ADCK1: variants seen among roughly 807,000 people sequenced by gnomAD.
The protein encoded by ADCK1 is aarF domain-containing protein kinase 1.
ADCK1 carries 41 observed loss-of-function variants against 52.3 expected under a neutral mutation model. The ratio of observed to expected loss-of-function variants is 0.78; its 90% CI spans 0.61 to 1.02. The LOEUF (loss-of-function observed/expected upper bound fraction) is 1.02, where lower values mean the gene tolerates loss of function less well. Among genes scored for constraint, ADCK1 ranks in the 50% least tolerant of loss-of-function variants. ADCK1 has a pLI of 0.00. For missense variants in ADCK1, 658 were observed against 679.5 expected (o/e 0.97, Z 0.35); for synonymous variants, 250 against 274.6 (o/e 0.91, Z 0.89).
chr14:77,853,168 C>T (rs1023754246), intron 3 of ADCK1, among the ~76,000 whole-genome samples: 2 of 151,588 alleles, frequency 1.3e-5, no homozygotes, highest in African/African-American at 4.8e-5. Flanking sequence ...CTTTCTGTCT[C>T]TTTTATGTCA....
At chr14:77,845,079 T>A (rs2082149461) in intron 3 of ADCK1, among the ~76,000 whole-genome samples, 1 of 152,244 alleles carries the variant, frequency 6.6e-6, no homozygotes, top group East Asian at 1.9e-4. Flanking sequence ...TGTTCAGGAT[T>A]GCATAAGTAG....
chr14:77,829,496 T>C (rs186663029), intron 3 of ADCK1, among the ~76,000 whole-genome samples: 1 of 151,214 alleles, frequency 6.6e-6, no homozygotes, highest in East Asian at 2.0e-4. Context: ...AGAGTCTCAC[T>C]ATGTTGCCCA....
chr14:77,876,030 G>A (rs373011377), intron 4 of ADCK1, among the ~76,000 whole-genome samples: 2 of 152,146 alleles, frequency 1.3e-5, no homozygotes, highest in East Asian at 1.9e-4. Context: ...TGTAATCATC[G>A]GTTTGTAAAA....
At chr14:77,895,990 G>A (rs916895859) in intron 5 of ADCK1, among the ~76,000 whole-genome samples, 2 of 152,064 alleles carry the variant, frequency 1.3e-5, no homozygotes, top group Admixed American at 6.6e-5. Context: ...CAACCCACAG[G>A]ATGCCTTAGA....
At chr14:77,905,518 G>A (rs181122726) in intron 6 of ADCK1, among the ~76,000 whole-genome samples, 1 of 151,914 alleles carries the variant, frequency 6.6e-6, no homozygotes, top group Non-Finnish European at 1.5e-5. Context: ...TTTTTAAGCT[G>A]CCTCTGGTGG....
intron 3 of ADCK1, among the ~76,000 whole-genome samples, chr14:77,848,800 G>C (rs1185604360): frequency 1.3e-5 from 2 of 151,158 alleles, no homozygotes; most frequent in Non-Finnish European, 2.9e-5. Flanking sequence ...GTCTTACTCT[G>C]TTGCCCAGGC....
intron 4 of ADCK1, among the ~76,000 whole-genome samples, chr14:77,860,087 C>T (rs945861624): frequency 7.2e-5 from 11 of 152,184 alleles, no homozygotes; most frequent in Admixed American, 6.5e-4. Context: ...CTGGGTTTCC[C>T]GTCCAAACCC....
At chr14:77,896,703 G>A (rs536437008) in intron 5 of ADCK1, among the ~76,000 whole-genome samples, 8 of 152,346 alleles carry the variant, frequency 5.3e-5, no homozygotes, top group African/African-American at 1.7e-4. Flanking sequence ...GAGGCATACA[G>A]TCCAGGCCTC....
At chr14:77,905,268 G>A (rs1376071958) in intron 6 of ADCK1, among the ~76,000 whole-genome samples, 1 of 145,924 alleles carries the variant, frequency 6.9e-6, no homozygotes, top group African/African-American at 2.6e-5. Context: ...CCAGCCTGTG[G>A]GATTTCTGTT....
intron 5 of ADCK1, among the ~76,000 whole-genome samples, chr14:77,892,105 C>G (rs911233955): frequency 2.0e-5 from 3 of 152,170 alleles, no homozygotes; most frequent in African/African-American, 7.2e-5. Flanking sequence ...ATGCTTCTCT[C>G]CCACTGTTGT....
At chr14:77,820,238 A>G (rs774880681) in intron 2 of ADCK1, among the ~76,000 whole-genome samples, 66 of 152,218 alleles carry the variant, frequency 4.3e-4, no homozygotes, top group Middle Eastern at 6.8e-3. Context: ...ATGTTCAGAC[A>G]CTAGAGTGAG....
At chr14:77,812,800 G>A (rs1162801391) in intron 1 of ADCK1, among the ~76,000 whole-genome samples, 1 of 151,868 alleles carries the variant, frequency 6.6e-6, no homozygotes, top group East Asian at 1.9e-4. Context: ...ATGTTGGCCA[G>A]GCTAGTCTCG....
At position 77,870,868 on chromosome 14, in the gene ADCK1, G is replaced by A. The variant is rs575593749; in HGVS notation, c.423+11589G>A. On this transcript the variant is annotated intron_variant, in intron 4 of 10. Coordinates refer to ENST00000238561, the MANE Select transcript of ADCK1 (RefSeq NM_020421.4). ...TCTTCTCCAGGGAGAAGGGGAACAG[G>A]TCTCCCCTGCAGGCCACTCAGGGCT... Among the ~76,000 whole-genome samples the A allele has an allele frequency of 3.3e-5, 5 of 152,278 alleles. No individual in the cohort carries two copies. In the South Asian group the frequency reaches 8.3e-4, roughly 25 times the overall value.
At chr14:77,874,304 G>A (rs532774091) in intron 4 of ADCK1, among the ~76,000 whole-genome samples, 1 of 152,356 alleles carries the variant, frequency 6.6e-6, no homozygotes, top group South Asian at 2.1e-4. Flanking sequence ...AAGAGAGAAA[G>A]TTATCTGAGG....
chr14:77,816,109 G>C (rs1269040283), intron 1 of ADCK1, among the ~76,000 whole-genome samples: 1 of 152,062 alleles, frequency 6.6e-6, no homozygotes, highest in Non-Finnish European at 1.5e-5. Context: ...TCTTGGCCCA[G>C]GAATCTGCAT....
intron 3 of ADCK1, among the ~76,000 whole-genome samples, chr14:77,843,407 A>G (rs1181331367): frequency 6.6e-6 from 1 of 152,180 alleles, no homozygotes; most frequent in East Asian, 1.9e-4. Context: ...TAGCCGCTGA[A>G]CAACTGTTGA....
At chr14:77,823,732 T>C (rs988116147) in intron 3 of ADCK1, among the ~76,000 whole-genome samples, 7 of 150,804 alleles carry the variant, frequency 4.6e-5, no homozygotes, top group African/African-American at 1.5e-4. Flanking sequence ...ACCATCACAC[T>C]TGGCTGATTT....
intron 4 of ADCK1, among the ~76,000 whole-genome samples, chr14:77,861,484 G>A (rs1467308042): frequency 6.6e-6 from 1 of 152,032 alleles, no homozygotes; most frequent in African/African-American, 2.4e-5. Context: ...GACACTTCTC[G>A]GGGAGCAGTC....
chr14:77,911,324 C>T (rs2083786549), intron 7 of ADCK1, among the ~76,000 whole-genome samples: 1 of 152,162 alleles, frequency 6.6e-6, no homozygotes, highest in Non-Finnish European at 1.5e-5. Flanking sequence ...TAGGTTGGTG[C>T]AAAGGTAAAT....
Sources: allele counts gnomAD v4.1 joint callset (sites outside exome capture counted in the v4.1 genomes callset), GRCh38; gene constraint gnomAD v4.1.1; transcripts MANE v1.5; gene names NCBI Gene and HGNC (gene_info 2026-07-23, HGNC 2026-07-21).